Variants in GRIA4 observed in about 807,000 individuals in gnomAD.
The protein encoded by GRIA4 is glutamate receptor 4.
A neutral mutation model predicts 104.0 loss-of-function variants in GRIA4; 34 were observed. The observed-to-expected ratio is 0.33, with a 90% CI of 0.25 to 0.44. The LOEUF (loss-of-function observed/expected upper bound fraction) is 0.44. GRIA4 is among the 20% of genes least tolerant of loss of function. The pLI is 1.00. For missense variants in GRIA4, 750 were observed against 1,096.5 expected, an observed-to-expected ratio of 0.68 and a Z score of 4.46; for synonymous variants, 386 against 381.9, an observed-to-expected ratio of 1.01 and a Z score of -0.13.
chr11:105,690,006 A>G (rs1423884588), intron 3 of GRIA4, among the ~76,000 whole-genome samples: 2 of 152,154 alleles, frequency 1.3e-5, no homozygotes, highest in Non-Finnish European at 1.5e-5. Context: ...TTATCCTTAT[A>G]CCTTAGCTAA....
At chr11:105,941,548 GCTTT>G (rs1224224366) in intron 14 of GRIA4, among the ~76,000 whole-genome samples, 1 of 151,980 alleles carries the variant, frequency 6.6e-6, no homozygotes, top group Non-Finnish European at 1.5e-5. Flanking sequence ...ATTTTATTGA[GCTTT>G]CTTTAATTTT....
chr11:105,865,601 A>G (rs557187350), intron 5 of GRIA4, among the ~76,000 whole-genome samples: 1 of 152,302 alleles, frequency 6.6e-6, no homozygotes, highest in Middle Eastern at 3.4e-3. Flanking sequence ...AGCTGGAATC[A>G]AAAGAACCGT....
At chr11:105,662,882 T>G (rs576454467) in intron 3 of GRIA4, among the ~76,000 whole-genome samples, 3 of 151,996 alleles carry the variant, frequency 2.0e-5, no homozygotes, top group Admixed American at 6.6e-5. Context: ...CTGTGTTCTT[T>G]AAACTCCATA....
chr11:105,867,415 G>A (rs2136039176), intron 5 of GRIA4, among the ~76,000 whole-genome samples: 1 of 152,228 alleles, frequency 6.6e-6, no homozygotes, highest in Non-Finnish European at 1.5e-5. Flanking sequence ...TCAAATGCAT[G>A]GCAATACTTA....
intron 3 of GRIA4, among the ~76,000 whole-genome samples, chr11:105,691,248 T>C (rs926248943): frequency 6.6e-6 from 1 of 152,172 alleles, no homozygotes; most frequent in Non-Finnish European, 1.5e-5. Context: ...ACAACCCAGT[T>C]AGATAGATTG....
chr11:105,821,858 C>T (rs1019517491), intron 4 of GRIA4, among the ~76,000 whole-genome samples: 1 of 152,094 alleles, frequency 6.6e-6, no homozygotes, highest in African/African-American at 2.4e-5. Flanking sequence ...GTAACTGGCA[C>T]AAACCATGAC....
At chr11:105,978,973 C>G (rs1859134820) in intron 16 of GRIA4, among the ~76,000 whole-genome samples, 1 of 152,144 alleles carries the variant, frequency 6.6e-6, no homozygotes, top group African/African-American at 2.4e-5. Flanking sequence ...CTTTTAAATA[C>G]AGTTCTTAAA....
intron 8 of GRIA4, among the ~76,000 whole-genome samples, chr11:105,904,964 A>G (rs1177835628): frequency 6.6e-6 from 1 of 152,226 alleles, no homozygotes; most frequent in African/African-American, 2.4e-5. Context: ...TATAATAGTA[A>G]AAACAAATAA....
chr11:105,711,919 C>T (rs1207528677), intron 3 of GRIA4, among the ~76,000 whole-genome samples: 1 of 152,026 alleles, frequency 6.6e-6, no homozygotes, highest in Non-Finnish European at 1.5e-5. Context: ...ATGTGAATAC[C>T]ACAACACTTA....
intron 14 of GRIA4, among the ~76,000 whole-genome samples, chr11:105,939,555 A>G (rs888656551): frequency 2.0e-5 from 3 of 152,148 alleles, no homozygotes; most frequent in Non-Finnish European, 4.4e-5. Context: ...TCTCCCAGAA[A>G]GATATTTTTT....
Position 105,695,727 on chromosome 11 carries a change from T to C in GRIA4, c.248-57254T>C, listed in dbSNP as rs568223750. Among the ~76,000 whole-genome samples, 295 of 152,348 alleles carry C rather than the reference T, an allele frequency of 1.9e-3. 2 individuals are homozygous for C. The highest frequency in any genetic ancestry group is 3.5e-3 in the Non-Finnish European group (235 of 68,042). On this transcript the variant is annotated intron_variant, in intron 3 of 16. Coordinates refer to ENST00000282499, the MANE Select transcript of GRIA4 (RefSeq NM_000829.4). ...TTTTTGTTTGCTAAATGCCTGCTTC[T>C]TTGATAGGAGATGAGAATTTAGTTG...
At chr11:105,833,962 C>T (rs1944082060) in intron 4 of GRIA4, among the ~76,000 whole-genome samples, 1 of 151,960 alleles carries the variant, frequency 6.6e-6, no homozygotes, top group Non-Finnish European at 1.5e-5. Flanking sequence ...TTTACTATGC[C>T]TTTCCATTCC....
intron 6 of GRIA4, 58 bp from the exon 7 acceptor site, chr11:105,898,211 G>T: frequency 1.2e-6 from 1 of 806,020 alleles, no homozygotes; most frequent in Non-Finnish European, 2.0e-6. Context: ...TGTTACTATT[G>T]AAGAGCTGCC....
chr11:105,820,648 T>C (rs949383303), intron 4 of GRIA4, among the ~76,000 whole-genome samples: 4 of 152,142 alleles, frequency 2.6e-5, no homozygotes, highest in African/African-American at 9.7e-5. Context: ...TTATTTTTTT[T>C]CTGTTTATTT....
At chr11:105,971,309 A>G (rs540491847) in intron 14 of GRIA4, among the ~76,000 whole-genome samples, 14 of 152,320 alleles carry the variant, frequency 9.2e-5, no homozygotes, top group African/African-American at 3.1e-4. Flanking sequence ...TACGCTTTAA[A>G]ATAATTATTT....
intron 16 of GRIA4, among the ~76,000 whole-genome samples, chr11:105,977,285 G>A (rs1859027717): frequency 6.6e-6 from 1 of 152,090 alleles, no homozygotes. Context: ...TAAATTTAGT[G>A]ATTAGTAGAT....
chr11:105,738,411 T>C (rs1397833477), intron 3 of GRIA4, among the ~76,000 whole-genome samples: 5 of 152,042 alleles, frequency 3.3e-5, no homozygotes, highest in Non-Finnish European at 7.4e-5. Flanking sequence ...AAATAAAGAA[T>C]GGTAATTAAA....
At chr11:105,925,994 T>A (rs1947692007) in intron 12 of GRIA4, among the ~76,000 whole-genome samples, 1 of 151,974 alleles carries the variant, frequency 6.6e-6, no homozygotes, top group Non-Finnish European at 1.5e-5. Flanking sequence ...CACCCACACA[T>A]CCTTGATACC....
chr11:105,763,966 G>C (rs1429772393), intron 4 of GRIA4, among the ~76,000 whole-genome samples: 1 of 152,102 alleles, frequency 6.6e-6, no homozygotes, highest in Non-Finnish European at 1.5e-5. Flanking sequence ...TTTGAACTAT[G>C]ACTCATTTAA....
Sources: allele counts gnomAD v4.1 joint callset (sites outside exome capture counted in the v4.1 genomes callset), GRCh38; gene constraint gnomAD v4.1.1; transcripts MANE v1.5; gene names NCBI Gene and HGNC (gene_info 2026-07-23, HGNC 2026-07-21).